The following GNG4 variants were observed in gnomAD, a reference collection of about 807,000 sequenced individuals.
GNG4 encodes guanine nucleotide-binding protein G(I)/G(S)/G(O) subunit gamma-4.
In GNG4, 4 loss-of-function variants were observed where a neutral mutation model predicts 5.8. The observed-to-expected ratio is 0.69, with a 90% CI of 0.34 to 1.57. The LOEUF (loss-of-function observed/expected upper bound fraction) is 1.57, where lower values mean the gene tolerates loss of function less well. GNG4 is among the 40% of genes most tolerant of loss of function. GNG4 has a pLI of 0.06. For synonymous variants in GNG4, 29 were observed against 32.9 expected, an observed-to-expected ratio of 0.88 and a Z score of 0.41; for missense variants, 96 against 95.1, an observed-to-expected ratio of 1.01 and a Z score of -0.04.
chr1:235,603,847 T>G (rs1688304172), intron 1 of GNG4, among the ~76,000 whole-genome samples: 1 of 152,150 alleles, frequency 6.6e-6, no homozygotes, highest in African/African-American at 2.4e-5. Flanking sequence ...CTGGTCCTTA[T>G]TAAGGTCAAG....
In GNG4 at chr1:235,583,770, T is replaced by C. The variant is rs780584953; in HGVS notation, c.69A>G (p.Leu23=). 5.6e-6 allele frequency: 9 copies of C among 1,613,426 alleles called. No homozygotes were observed. Among genetic ancestry groups the C allele is most frequent in the Non-Finnish European group, 6.8e-6 (8 of 1,179,482 alleles). ...ISQARKAVEQ[L]KMEACMDRVK... is the part of the protein sequence containing the mutation. ...CCCTGTCCATACAGGCTTCCATCTT[T>C]AGCTGCTCCACAGCTTTCCTGGCTT... The change falls in exon 3 of 4, where the codon CTA becomes CTG. Residue 23 remains leucine (L), a synonymous_variant. Coordinates refer to ENST00000391854, the MANE Select transcript of GNG4 (RefSeq NM_001098722.2).
intron 1 of GNG4, among the ~76,000 whole-genome samples, chr1:235,625,349 C>T (rs558162734): frequency 2.0e-5 from 3 of 152,328 alleles, no homozygotes; most frequent in African/African-American, 4.8e-5. Context: ...TAACTCCTGT[C>T]CCCAAATAGG....
chr1:235,581,421 C>A (rs532241244), intron 3 of GNG4, among the ~76,000 whole-genome samples: 5 of 151,264 alleles, frequency 3.3e-5, no homozygotes, highest in South Asian at 4.2e-4. Flanking sequence ...CCCAGCTACT[C>A]GGGAGGCTGA....
rs1396392594 is a variant in GNG4 at position 235,562,660 on chromosome 1, A to AAAAAAAAAAAAAG, written c.100-10436_100-10424dup. On this transcript the variant is annotated intron_variant, in intron 3 of 3. Coordinates refer to ENST00000391854, the MANE Select transcript of GNG4 (RefSeq NM_001098722.2). ...GCTCTGTCTCAAGAAAAAAAAAAAG[A>AAAAAAAAAAAAAG]AAAAAAAAAAAAGAAAAAAAAAAAA... Among the ~76,000 whole-genome samples, 555 of 133,788 alleles carry AAAAAAAAAAAAAG rather than the reference A, an allele frequency of 4.1e-3. 3 individuals are homozygous for AAAAAAAAAAAAAG. Among genetic ancestry groups the AAAAAAAAAAAAAG allele is most frequent in the African/African-American group, 0.014 (504 of 36,402 alleles). 87.8% of individuals were successfully genotyped at this position (133,788 alleles called of 152,430 possible).
At chr1:235,561,408 C>CTA (rs1297658809) in intron 3 of GNG4, among the ~76,000 whole-genome samples, 1 of 145,436 alleles carries the variant, frequency 6.9e-6, no homozygotes, top group Admixed American at 6.7e-5. Context: ...CTCTCTCTCT[C>CTA]TATATATATA....
rs1202162109 is a variant in GNG4, at chr1:235,550,055, TC to T, written c.*2053del. On this transcript the variant is annotated 3_prime_UTR_variant, in exon 4 of 4. Coordinates refer to ENST00000391854, the MANE Select transcript of GNG4 (RefSeq NM_001098722.2). ...TTCAGAACTAGGGAGAGAGGCAGTT[TC>T]CAAATAAACAGAATAGAACAAACTT... 6.6e-6 allele frequency: 1 copy of T among 152,210 alleles called. No homozygotes were observed. The highest frequency in any genetic ancestry group is 1.9e-4 in the East Asian group (1 of 5,196). The allele number at this position is 152,210 out of a possible 1,614,324, so 9.4% of individuals were successfully genotyped here. A position where few individuals can be genotyped will look rare whatever the true frequency, so the allele number is the denominator to read the frequency against.
intron 3 of GNG4, among the ~76,000 whole-genome samples, chr1:235,562,581 G>T (rs1001041174): frequency 8.1e-5 from 12 of 149,044 alleles, no homozygotes; most frequent in African/African-American, 3.0e-4. Flanking sequence ...GGAGGCAGAG[G>T]TTGCAGAGAG....
At chr1:235,601,575 G>A (rs1367164327) in intron 1 of GNG4, among the ~76,000 whole-genome samples, 1 of 152,146 alleles carries the variant, frequency 6.6e-6, no homozygotes, top group East Asian at 1.9e-4. Context: ...TGATCATATT[G>A]TCATGGGTGT....
In GNG4 at chr1:235,642,936, C is replaced by G. The variant is rs960670411; in HGVS notation, c.-123+6726G>C. Among the ~76,000 whole-genome samples the G allele has an allele frequency of 6.6e-6, 1 of 152,160 alleles. No homozygotes were observed. The highest frequency in any genetic ancestry group is 2.4e-5 in the African/African-American group (1 of 41,434). On this transcript the variant is annotated intron_variant, in intron 1 of 3. Transcript: ENST00000391854. This position sits in a 1 kb window ranked among gnomAD's most constrained non-coding sequence, Gnocchi z 4.3. ...TTCACAAAACCAGGTCACATTACCC[C>G]TCGTCCATCCATGCTCAGTCTGGAA... is the stretch of plus-strand genomic sequence containing the variant.
At chr1:235,628,901 T>A (rs1048401332) in intron 1 of GNG4, among the ~76,000 whole-genome samples, 1 of 152,124 alleles carries the variant, frequency 6.6e-6, no homozygotes, top group Non-Finnish European at 1.5e-5. Flanking sequence ...CCTTTGGTTC[T>A]GAGCAGGACC....
chr1:235,589,274 T>G (rs1316415977), intron 2 of GNG4, among the ~76,000 whole-genome samples: 1 of 151,988 alleles, frequency 6.6e-6, no homozygotes, highest in Non-Finnish European at 1.5e-5. Context: ...ATTTTGCAGG[T>G]AGACAGGGGG....
intron 3 of GNG4, among the ~76,000 whole-genome samples, chr1:235,579,862 A>AAAAAAAAAAAAAAAAAAAAAAT (rs57019025): frequency 4.6e-5 from 5 of 108,552 alleles, no homozygotes; most frequent in Non-Finnish European, 5.3e-5. Flanking sequence ...CAAAAAAAAA[A>AAAAAAAAAAAAAAAAAAAAAAT]AGGTAAAAAG....
At chr1:235,581,845 G>A (rs1172191631) in intron 3 of GNG4, among the ~76,000 whole-genome samples, 3 of 152,194 alleles carry the variant, frequency 2.0e-5, no homozygotes, top group Non-Finnish European at 4.4e-5. Context: ...GACTCTTGAA[G>A]AAGCCTTCAT....
rs1013504705 is a variant in GNG4, at chr1:235,608,686, T to A, written c.-122-13175A>T. On this transcript the variant is annotated intron_variant, in intron 1 of 3. Transcript: ENST00000391854. The stretch of plus-strand genomic sequence containing the variant: ...CTTTTTTACTTAGTTTTTTATTTTT[T>A]ATTTTTTTTTTTTTTGAGACGGAGT... Among the ~76,000 whole-genome samples, 41 of 120,310 alleles carry A rather than the reference T, an allele frequency of 3.4e-4. 1 individual carries two copies. The highest frequency in any genetic ancestry group is 1.8e-3 in the Admixed American group (20 of 11,060). The allele number at this position is 120,310 out of a possible 152,430, so 78.9% of individuals were successfully genotyped here.
intron 1 of GNG4, among the ~76,000 whole-genome samples, chr1:235,631,372 G>A (rs1382161493): frequency 6.6e-6 from 1 of 152,122 alleles, no homozygotes; most frequent in Admixed American, 6.6e-5. Context: ...ATTGTAATGT[G>A]CCTAGGTTGA....
rs561196094 is a variant in GNG4 at position 235,644,013 on chromosome 1, G to C, written c.-123+5649C>G. The stretch of plus-strand genomic sequence containing the variant: ...CTGCAGTGTTCACGGAGCACACACA[G>C]AAAGATCTGCCCGAGAGAGTCCCCA... On this transcript the variant is annotated intron_variant, in intron 1 of 3. Coordinates refer to ENST00000391854, the MANE Select transcript of GNG4 (RefSeq NM_001098722.2). The surrounding 1 kb of genome is among the most constrained non-coding windows in gnomAD (Gnocchi z 5.9). 1.3e-5 allele frequency among the ~76,000 whole-genome samples: 2 copies of C among 152,318 alleles called. No homozygotes were observed. The highest frequency in any genetic ancestry group is 6.5e-5 in the Admixed American group (1 of 15,304).
In GNG4 at chr1:235,593,893, A is replaced by AAAAGAAC. The variant is rs1158196114; in HGVS notation, c.-11+1500_-11+1506dup. ...AGCAGCAGAATTTGTTGCAAAGAGC[A>AAAAGAAC]AAAGAACAAAGCCTGCACAGCGTGC... On this transcript the variant is annotated intron_variant, in intron 2 of 3. Transcript: ENST00000391854. 2.8e-4 allele frequency among the ~76,000 whole-genome samples: 43 copies of AAAAGAAC among 152,354 alleles called. 1 individual carries two copies. In the East Asian group the frequency reaches 7.5e-3, roughly 27 times the overall value.
In GNG4 at chr1:235,556,239, G is replaced by C. The variant is rs563308889; in HGVS notation, c.100-4002C>G. On this transcript the variant is annotated intron_variant, in intron 3 of 3. Coordinates refer to ENST00000391854, the MANE Select transcript of GNG4 (RefSeq NM_001098722.2). ...CAGATGAGGAAACTGAGGCACAAAGGTTAAGAAGGTCACCCATCTATTAAG... is the reference window on the plus strand; with the variant it reads ...CAGATGAGGAAACTGAGGCACAAAGCTTAAGAAGGTCACCCATCTATTAAG... Among the ~76,000 whole-genome samples, 71 of 151,898 alleles carry C rather than the reference G, an allele frequency of 4.7e-4. 1 individual carries two copies. Among genetic ancestry groups the C allele is most frequent in the African/African-American group, 1.6e-3 (67 of 41,484 alleles).
intron 1 of GNG4, among the ~76,000 whole-genome samples, chr1:235,616,905 A>AATTTTT (rs1688602568): frequency 8.6e-6 from 1 of 115,796 alleles, no homozygotes; most frequent in South Asian, 2.9e-4. Context: ...CACCTGGCTA[A>AATTTTT]TTTTTTTTTT....
Sources: allele counts gnomAD v4.1 joint callset (sites outside exome capture counted in the v4.1 genomes callset), GRCh38; gene constraint gnomAD v4.1.1; non-coding constraint Gnocchi (gnomAD v3.1); transcripts MANE v1.5; gene names NCBI Gene and HGNC (gene_info 2026-07-23, HGNC 2026-07-21).